RFTN2: variants seen among roughly 807,000 people sequenced by gnomAD.
RFTN2 encodes the protein raftlin family member 2.
A neutral mutation model predicts 52.7 loss-of-function variants in RFTN2; 34 were observed. The ratio of observed to expected loss-of-function variants is 0.64; its 90% CI spans 0.49 to 0.86. The LOEUF is 0.86. Ranked by LOEUF, RFTN2 falls within the 40% of genes least tolerant of loss-of-function variation. RFTN2 has a pLI of 0.00. For missense variants in RFTN2, 536 were observed against 600.1 expected, an observed-to-expected ratio of 0.89 and a Z score of 1.12; for synonymous variants, 203 against 217.7, an observed-to-expected ratio of 0.93 and a Z score of 0.59.
At chr2:197,649,321 C>T (rs1335017220) in intron 1 of RFTN2, among the ~76,000 whole-genome samples, 1 of 152,086 alleles carries the variant, frequency 6.6e-6, no homozygotes. Flanking sequence ...TAGCATAAGG[C>T]TTCACCACAT....
At chr2:197,658,385 C>T (rs1391928096) in intron 1 of RFTN2, among the ~76,000 whole-genome samples, 1 of 152,030 alleles carries the variant, frequency 6.6e-6, no homozygotes, top group Non-Finnish European at 1.5e-5. Flanking sequence ...ATCCTCCCAC[C>T]TCAGCCTCCT....
At chr2:197,647,661 CAT>C (rs2088772345) in intron 1 of RFTN2, among the ~76,000 whole-genome samples, 1 of 152,108 alleles carries the variant, frequency 6.6e-6, no homozygotes, top group African/African-American at 2.4e-5. Context: ...GGAAGCTAAA[CAT>C]ATAATTTCTC....
chr2:197,657,226 A>T (rs529110173), intron 1 of RFTN2, among the ~76,000 whole-genome samples: 6 of 152,212 alleles, frequency 3.9e-5, no homozygotes, highest in Admixed American at 6.5e-5. Context: ...TTCCCAGTTT[A>T]AAAAAAGTGA....
At chr2:197,661,273 G>C (rs6741205) in intron 1 of RFTN2, among the ~76,000 whole-genome samples, 103,100 of 151,180 alleles carry the variant, frequency 0.68, 35,449 homozygotes, top group Middle Eastern at 0.85. Context: ...CTCTGTTGCC[G>C]AGGCTGGAGT....
At chr2:197,613,943 GC>G (rs2106208455) in intron 7 of RFTN2, among the ~76,000 whole-genome samples, 1 of 152,308 alleles carries the variant, frequency 6.6e-6, no homozygotes, top group Non-Finnish European at 1.5e-5. Context: ...ATGGAAATCT[GC>G]TAAATAGTGA....
In RFTN2 at chr2:197,599,595, T is replaced by C. The variant is rs561172008; in HGVS notation, c.1155-3526A>G. 9.3e-4 allele frequency among the ~76,000 whole-genome samples: 141 copies of C among 152,216 alleles called. 3 individuals are homozygous for C. The South Asian group carries it at 0.028, about 31-fold the overall frequency. ...TAGGGGTGTATGTCAAGGAAAAAAG[T>C]CCTCAGATGGTGTGAAGTACACTGC... On this transcript the variant is annotated intron_variant, in intron 7 of 8. Coordinates refer to ENST00000295049, the MANE Select transcript of RFTN2 (RefSeq NM_144629.3).
At chr2:197,672,806 G>C (rs2089164957) in intron 1 of RFTN2, among the ~76,000 whole-genome samples, 1 of 152,054 alleles carries the variant, frequency 6.6e-6, no homozygotes, top group African/African-American at 2.4e-5. Context: ...TTCTCCTATA[G>C]AGATGTAAAT....
In RFTN2 at chr2:197,627,685, C is replaced by T. The variant is rs554458704; in HGVS notation, c.928+3326G>A. 1.9e-4 allele frequency among the ~76,000 whole-genome samples: 29 copies of T among 152,116 alleles called. No homozygotes were observed. The South Asian group carries it at 3.9e-3, about 21-fold the overall frequency. On this transcript the variant is annotated intron_variant, in intron 5 of 8. Transcript: ENST00000295049. ...AAGGTGGGGAAAGACTATGCTCTGGCGGTGGTGGGGCATTTGGAGGCTGGG... is the reference window on the plus strand; with the variant it reads ...AAGGTGGGGAAAGACTATGCTCTGGTGGTGGTGGGGCATTTGGAGGCTGGG...
intron 6 of RFTN2, 152 bp from the exon 7 acceptor site, chr2:197,616,131 A>G (rs11890385): frequency 0.011 from 6,119 of 546,376 alleles, 285 homozygotes; most frequent in African/African-American, 0.1. Context: ...CTTCCTTCTG[A>G]TAATTGAACC....
At chr2:197,655,387 A>G (rs1347543797) in intron 1 of RFTN2, among the ~76,000 whole-genome samples, 2 of 152,230 alleles carry the variant, frequency 1.3e-5, no homozygotes, top group Non-Finnish European at 2.9e-5. Context: ...AAGTCTTACC[A>G]TAGTAGAAAT....
At chr2:197,651,464 C>A (rs2088826183) in intron 1 of RFTN2, among the ~76,000 whole-genome samples, 1 of 151,996 alleles carries the variant, frequency 6.6e-6, no homozygotes, top group South Asian at 2.1e-4. Context: ...ACTAAAAATA[C>A]AAAAATTAGC....
intron 7 of RFTN2, among the ~76,000 whole-genome samples, chr2:197,603,259 A>G (rs1335697300): frequency 6.6e-6 from 1 of 152,210 alleles, no homozygotes; most frequent in Non-Finnish European, 1.5e-5. Flanking sequence ...TCCTTTCTAC[A>G]CTAACTTCAA....
intron 6 of RFTN2, among the ~76,000 whole-genome samples, chr2:197,616,787 G>T (rs2088152654): frequency 6.6e-6 from 1 of 152,130 alleles, no homozygotes; most frequent in Non-Finnish European, 1.5e-5. Context: ...ATTGAGTTTT[G>T]CTAAGAGCTC....
At chr2:197,635,196 T>C (rs972299622) in intron 3 of RFTN2, among the ~76,000 whole-genome samples, 125 of 152,304 alleles carry the variant, frequency 8.2e-4, no homozygotes, top group Non-Finnish European at 1.4e-3. Context: ...GCAATAAACA[T>C]ACTTGTGCAT....
At chr2:197,660,630 A>G (rs1156235935) in intron 1 of RFTN2, among the ~76,000 whole-genome samples, 3 of 151,812 alleles carry the variant, frequency 2.0e-5, no homozygotes, top group Admixed American at 1.3e-4. Flanking sequence ...CCAGGCAACA[A>G]GATGCAGTGG....
At position 197,660,510 on chromosome 2, in the gene RFTN2, A is replaced by G. The variant is rs554222627; in HGVS notation, c.140-13844T>C. Among the ~76,000 whole-genome samples, 8 of 152,246 alleles carry G rather than the reference A, an allele frequency of 5.3e-5. No individual in the cohort carries two copies. In the East Asian group the frequency reaches 1.2e-3, roughly 22 times the overall value. On this transcript the variant is annotated intron_variant, in intron 1 of 8. Transcript: ENST00000295049. Reference sequence around the variant, plus strand: ...GTATATGTGATATTTTGTTACAATCATAGAATGTGTAATAATGAAGTCAGG... The same window carrying G: ...GTATATGTGATATTTTGTTACAATCGTAGAATGTGTAATAATGAAGTCAGG...
intron 3 of RFTN2, among the ~76,000 whole-genome samples, chr2:197,640,093 C>T (rs201876087): frequency 6.6e-6 from 1 of 152,078 alleles, no homozygotes. Flanking sequence ...GGAGTCTGCC[C>T]GTTCTCAGAT....
At chr2:197,610,264 C>A (rs550977490) in intron 7 of RFTN2, among the ~76,000 whole-genome samples, 1 of 152,274 alleles carries the variant, frequency 6.6e-6, no homozygotes, top group African/African-American at 2.4e-5. Flanking sequence ...AATGTTCTTC[C>A]ATTTGTTTGT....
At chr2:197,667,399 T>G (rs143424862) in intron 1 of RFTN2, among the ~76,000 whole-genome samples, 6 of 152,372 alleles carry the variant, frequency 3.9e-5, no homozygotes, top group Non-Finnish European at 7.3e-5. Flanking sequence ...TGAGCTTCCT[T>G]AGAGTTAATA....
Sources: allele counts gnomAD v4.1 joint callset (sites outside exome capture counted in the v4.1 genomes callset), GRCh38; gene constraint gnomAD v4.1.1; transcripts MANE v1.5; gene names NCBI Gene and HGNC (gene_info 2026-07-23, HGNC 2026-07-21).